SLC2A12: variants seen among roughly 807,000 people sequenced by gnomAD.
The protein encoded by SLC2A12 is solute carrier family 2, facilitated glucose transporter member 12.
In SLC2A12, 23 loss-of-function variants were observed where a neutral mutation model predicts 41.8. The ratio of observed to expected loss-of-function variants is 0.55; its 90% CI spans 0.40 to 0.78. The LOEUF (loss-of-function observed/expected upper bound fraction) is 0.78, where lower values mean the gene tolerates loss of function less well. Ranked by LOEUF, SLC2A12 falls within the 30% of genes least tolerant of loss-of-function variation. The pLI is 0.00. For synonymous variants in SLC2A12, 295 were observed against 285.9 expected (o/e 1.03, Z -0.32); for missense variants, 654 against 745.6 (o/e 0.88, Z 1.43).
At chr6:134,029,803 T>C in intron 1 of SLC2A12, 82 bp from the exon 2 acceptor site, 1 of 1,486,694 alleles carries the variant, frequency 6.7e-7, no homozygotes, top group Non-Finnish European at 8.9e-7. Flanking sequence ...GATTTAACCT[T>C]GTAGAAGTCT....
At chr6:134,034,855 T>C (rs1417472872) in intron 1 of SLC2A12, among the ~76,000 whole-genome samples, 1 of 152,160 alleles carries the variant, frequency 6.6e-6, no homozygotes, top group Admixed American at 6.5e-5. Flanking sequence ...TTAATAATGA[T>C]GAAGTAGAGC....
intron 2 of SLC2A12, among the ~76,000 whole-genome samples, chr6:134,026,705 TTACTC>T (rs1777117010): frequency 6.6e-6 from 1 of 152,228 alleles, no homozygotes; most frequent in Admixed American, 6.5e-5. Context: ...ATTGTAATGT[TTACTC>T]TATCTGCCCA....
intron 4 of SLC2A12, among the ~76,000 whole-genome samples, chr6:134,001,248 C>T (rs1259820670): frequency 1.3e-5 from 2 of 152,080 alleles, no homozygotes; most frequent in African/African-American, 4.8e-5. Context: ...ATCTCACGAT[C>T]GCCACTAAAG....
chr6:133,993,078 G>T (rs1582593282), intron 4 of SLC2A12, among the ~76,000 whole-genome samples: 1 of 152,104 alleles, frequency 6.6e-6, no homozygotes, highest in African/African-American at 2.4e-5. Context: ...CTTTCCTCCA[G>T]CCTCACTGTT....
At position 134,032,426 on chromosome 6, in the gene SLC2A12, T is replaced by TTATA. The variant is rs1210191475; in HGVS notation, c.104-2709_104-2706dup. ...GAGAAATATATATATATATATATAT[T>TTATA]TATATATATATATATATATATAAAT... is the stretch of plus-strand genomic sequence containing the variant. On this transcript the variant is annotated intron_variant, in intron 1 of 4. Coordinates refer to ENST00000275230, the MANE Select transcript of SLC2A12 (RefSeq NM_145176.3). 3.7e-3 allele frequency among the ~76,000 whole-genome samples: 130 copies of TTATA among 35,486 alleles called. 2 individuals carry two copies. Among genetic ancestry groups the TTATA allele is most frequent in the Middle Eastern group, 0.037 (2 of 54 alleles). 23.3% of individuals were successfully genotyped at this position (35,486 alleles called of 152,430 possible). A position where few individuals can be genotyped will look rare whatever the true frequency, so the allele number is the denominator to read the frequency against.
At chr6:134,044,762 T>A (rs1777433503) in intron 1 of SLC2A12, among the ~76,000 whole-genome samples, 1 of 151,662 alleles carries the variant, frequency 6.6e-6, no homozygotes, top group Non-Finnish European at 1.5e-5. Flanking sequence ...CATTTTTTTT[T>A]AACCCTGAAG....
chr6:134,052,571 G>A lies in SLC2A12; in HGVS notation c.-91C>T. 1.0e-6 allele frequency: 1 copy of A among 955,116 alleles called. No homozygotes were observed. The allele number at this position is 955,116 out of a possible 1,614,324, so 59.2% of individuals were successfully genotyped here. A position where few individuals can be genotyped will look rare whatever the true frequency, so the allele number is the denominator to read the frequency against. On this transcript the variant is annotated 5_prime_UTR_variant, in exon 1 of 5. Coordinates refer to ENST00000275230, the MANE Select transcript of SLC2A12 (RefSeq NM_145176.3). ...GTGGTCACTTTCCCCATAATAGCATGCTAAAGAAGAGTGTGGGGAAAAACT... is the reference window on the plus strand; with the variant it reads ...GTGGTCACTTTCCCCATAATAGCATACTAAAGAAGAGTGTGGGGAAAAACT...
intron 1 of SLC2A12, among the ~76,000 whole-genome samples, chr6:134,033,339 T>C (rs1367511012): frequency 3.3e-5 from 5 of 152,196 alleles, no homozygotes; most frequent in African/African-American, 2.4e-5. Context: ...TTCATTCATG[T>C]CCACGGTTTC....
At chr6:134,005,397 G>A (rs576224654) in intron 3 of SLC2A12, among the ~76,000 whole-genome samples, 31 of 152,132 alleles carry the variant, frequency 2.0e-4, no homozygotes, top group African/African-American at 7.5e-4. Context: ...AGTGGCTTAC[G>A]CCTGTAATCC....
At chr6:133,995,952 G>C (rs1315069800) in intron 4 of SLC2A12, among the ~76,000 whole-genome samples, 1 of 152,176 alleles carries the variant, frequency 6.6e-6, no homozygotes, top group African/African-American at 2.4e-5. Flanking sequence ...TATCTTCCAA[G>C]GTTGGCTCTT....
In SLC2A12 at chr6:133,991,005, T is replaced by C; in HGVS notation, c.*150A>G. Reference sequence around the variant, plus strand: ...AGGTTCCTTCTGGGGAGGAGGGGGATTAAAGGCTGTCTTTATCATTTCAGA... The same window carrying C: ...AGGTTCCTTCTGGGGAGGAGGGGGACTAAAGGCTGTCTTTATCATTTCAGA... On this transcript the variant is annotated 3_prime_UTR_variant, in exon 5 of 5. Transcript: ENST00000275230. 2 of 890,398 alleles carry C rather than the reference T, an allele frequency of 2.2e-6. No individual in the cohort carries two copies. Among genetic ancestry groups the C allele is most frequent in the Non-Finnish European group, 3.3e-6 (2 of 609,040 alleles). The allele number at this position is 890,398 out of a possible 1,614,324, so 55.2% of individuals were successfully genotyped here.
At position 134,052,502 on chromosome 6, in the gene SLC2A12, G is replaced by A. The variant is rs113014966; in HGVS notation, c.-22C>T. ...CCATGGTCACGTAGAAGTTACAGCC[G>A]CTTCCCCGCCACCAAACCGCCCCGA... On this transcript the variant is annotated 5_prime_UTR_variant, in exon 1 of 5. Transcript: ENST00000275230. The A allele has an allele frequency of 5.2e-5, 83 of 1,600,088 alleles. No individual in the cohort carries two copies. The Middle Eastern group carries it at 3.7e-3, about 70-fold the overall frequency.
intron 3 of SLC2A12, among the ~76,000 whole-genome samples, chr6:134,005,489 C>G (rs757610556): frequency 1.3e-5 from 2 of 151,310 alleles, no homozygotes; most frequent in Non-Finnish European, 2.9e-5. Context: ...GAAACCCCAT[C>G]TCTACTAAAA....
intron 1 of SLC2A12, among the ~76,000 whole-genome samples, chr6:134,030,098 T>C (rs1207360957): frequency 6.6e-6 from 1 of 152,170 alleles, no homozygotes; most frequent in African/African-American, 2.4e-5. Context: ...AGAGCCTGAC[T>C]CTTTGGTCCC....
chr6:134,009,591 T>C (rs1260030721), intron 2 of SLC2A12, among the ~76,000 whole-genome samples: 1 of 151,866 alleles, frequency 6.6e-6, no homozygotes, highest in Non-Finnish European at 1.5e-5. Context: ...GAGGCTGAGG[T>C]GAGAGGATTG....
At chr6:134,030,588 T>C (rs765185163) in intron 1 of SLC2A12, among the ~76,000 whole-genome samples, 10 of 152,124 alleles carry the variant, frequency 6.6e-5, no homozygotes, top group Admixed American at 1.3e-4. Flanking sequence ...CTTGTCAAAA[T>C]AGAAATAAAA....
Position 134,005,659 on chromosome 6 carries a change from TAAAAAAAAAAAAAA to T in SLC2A12, c.1567+1139_1567+1152del, listed in dbSNP as rs56710009. On this transcript the variant is annotated intron_variant, in intron 3 of 4. Coordinates refer to ENST00000275230, the MANE Select transcript of SLC2A12 (RefSeq NM_145176.3). ...TGGGCAAGAGAGTGAGACTCTGTCT[TAAAAAAAAAAAAAA>T]AAAAAAAAAAAAAAAAAAAAGAATC... Among the ~76,000 whole-genome samples the T allele has an allele frequency of 2.9e-3, 186 of 64,976 alleles. 1 individual carries two copies. The highest frequency in any genetic ancestry group is 1.0e-2 in the African/African-American group (148 of 14,824). 42.6% of individuals were successfully genotyped at this position (64,976 alleles called of 152,430 possible). A position where few individuals can be genotyped will look rare whatever the true frequency, so the allele number is the denominator to read the frequency against.
intron 2 of SLC2A12, among the ~76,000 whole-genome samples, chr6:134,023,607 G>A (rs945991234): frequency 6.6e-6 from 1 of 152,182 alleles, no homozygotes; most frequent in Non-Finnish European, 1.5e-5. Context: ...TAACGTTCCT[G>A]AGAAAACAAG....
At chr6:134,037,896 T>G (rs1348194188) in intron 1 of SLC2A12, among the ~76,000 whole-genome samples, 1 of 152,144 alleles carries the variant, frequency 6.6e-6, no homozygotes, top group Non-Finnish European at 1.5e-5. Flanking sequence ...AGAGTTCTGG[T>G]GTGGTGTTTC....
Sources: gnomAD v4.1 joint callset for allele counts (sites outside exome capture counted in the v4.1 genomes callset) on GRCh38, gnomAD v4.1.1 for gene constraint, MANE v1.5 for transcripts, NCBI Gene and HGNC (gene_info 2026-07-23, HGNC 2026-07-21) for gene names.